PDZRN4: variants seen among roughly 807,000 people sequenced by gnomAD.
PDZRN4 encodes PDZ domain containing ring finger 4.
PDZRN4 carries 70 observed loss-of-function variants against 99.0 expected under a neutral mutation model. The observed-to-expected ratio is 0.71, with a 90% confidence interval of 0.58 to 0.86. PDZRN4 has a LOEUF of 0.86. Ranked by LOEUF, PDZRN4 falls within the 40% of genes least tolerant of loss-of-function variation. The pLI, the probability that PDZRN4 is intolerant of heterozygous loss-of-function variation, is 0.00. For missense variants in PDZRN4, 1,474 were observed against 1,331.2 expected (o/e 1.11, Z -1.67); for synonymous variants, 551 against 501.6 (o/e 1.10, Z -1.32).
chr12:41,290,740 C>T (rs955194644), intron 3 of PDZRN4, among the ~76,000 whole-genome samples: 8 of 151,984 alleles, frequency 5.3e-5, no homozygotes, highest in Non-Finnish European at 8.8e-5. Flanking sequence ...AGGTATTCAA[C>T]AATCTTTTGG....
intron 3 of PDZRN4, among the ~76,000 whole-genome samples, chr12:41,265,388 T>C (rs1354398981): frequency 6.6e-6 from 1 of 152,204 alleles, no homozygotes; most frequent in African/African-American, 2.4e-5. Flanking sequence ...TAAAGTTTTA[T>C]TTAATTCAAA....
intron 3 of PDZRN4, among the ~76,000 whole-genome samples, chr12:41,316,098 C>A (rs1234072775): frequency 1.3e-5 from 2 of 152,102 alleles, no homozygotes; most frequent in East Asian, 1.9e-4. Flanking sequence ...ACAGGTAGAA[C>A]TGTAACCCAT....
chr12:41,366,160 T>C (rs1352190437), intron 3 of PDZRN4, among the ~76,000 whole-genome samples: 1 of 152,154 alleles, frequency 6.6e-6, no homozygotes, highest in Non-Finnish European at 1.5e-5. Context: ...TTATGGTGCA[T>C]GATACCATCT....
At chr12:41,241,805 A>G (rs1951103571) in intron 3 of PDZRN4, among the ~76,000 whole-genome samples, 1 of 152,046 alleles carries the variant, frequency 6.6e-6, no homozygotes, top group Non-Finnish European at 1.5e-5. Context: ...ACCAGCCTAG[A>G]TTGTTTATAG....
intron 3 of PDZRN4, among the ~76,000 whole-genome samples, chr12:41,278,912 G>A (rs1951366473): frequency 6.6e-6 from 1 of 152,164 alleles, no homozygotes; most frequent in African/African-American, 2.4e-5. Flanking sequence ...AGGATGCATG[G>A]ATAAAGGCCC....
At chr12:41,566,475 A>G (rs908376678) in intron 8 of PDZRN4, among the ~76,000 whole-genome samples, 2 of 152,206 alleles carry the variant, frequency 1.3e-5, no homozygotes, top group Non-Finnish European at 2.9e-5. Flanking sequence ...TTCATAGCTC[A>G]TCTGCATATC....
intron 3 of PDZRN4, among the ~76,000 whole-genome samples, chr12:41,215,031 A>G (rs559874079): frequency 6.6e-6 from 1 of 152,092 alleles, no homozygotes; most frequent in Non-Finnish European, 1.5e-5. Flanking sequence ...TGAGAGATGT[A>G]TATGTTTTTC....
rs1274437123 is a variant in PDZRN4 at position 41,244,686 on chromosome 12, TTTTC to T, written c.843+50502_843+50505del. Among the ~76,000 whole-genome samples, 42 of 35,564 alleles carry T rather than the reference TTTTC, an allele frequency of 1.2e-3. 3 individuals are homozygous for T. Among genetic ancestry groups the T allele is most frequent in the Admixed American group, 5.5e-3 (22 of 3,986 alleles). 23.3% of individuals were successfully genotyped at this position (35,564 alleles called of 152,430 possible). A position where few individuals can be genotyped will look rare whatever the true frequency, so the allele number is the denominator to read the frequency against. ...CAATGTCTTTTTTTTTTTTTTTTTT[TTTTC>T]TTTTTGAGACGGAGTCTCGCTCTGT... On this transcript the variant is annotated intron_variant, in intron 3 of 9. Transcript: ENST00000402685.
chr12:41,297,116 C>T (rs78312985), intron 3 of PDZRN4, among the ~76,000 whole-genome samples: 2,195 of 152,230 alleles, frequency 0.014, 22 homozygotes, highest in Middle Eastern at 0.034. Flanking sequence ...GTGTCCCGAA[C>T]TTGATGGAGT....
intron 5 of PDZRN4, among the ~76,000 whole-genome samples, chr12:41,515,211 A>G (rs1371650165): frequency 1.3e-5 from 2 of 152,084 alleles, no homozygotes; most frequent in East Asian, 3.9e-4. Context: ...GATGGGTATG[A>G]AACATAATTG....
intron 3 of PDZRN4, among the ~76,000 whole-genome samples, chr12:41,321,753 G>A (rs74550821): frequency 0.066 from 10,032 of 152,156 alleles, 667 homozygotes; most frequent in African/African-American, 0.17. Context: ...ATAATAAGAC[G>A]ATGATCGCCT....
At chr12:41,560,751 G>A (rs1185579444) in intron 7 of PDZRN4, among the ~76,000 whole-genome samples, 1 of 152,144 alleles carries the variant, frequency 6.6e-6, no homozygotes, top group Non-Finnish European at 1.5e-5. Flanking sequence ...AGCAACCGAA[G>A]GTTGAAAGCT....
intron 9 of PDZRN4, 93 bp from the exon 10 acceptor site, chr12:41,572,271 G>T (rs772601664): frequency 1.9e-6 from 2 of 1,064,894 alleles, no homozygotes; most frequent in Non-Finnish European, 2.7e-6. Context: ...ATGCAACTTT[G>T]CCAGGAAACA....
At chr12:41,531,970 T>C (rs1001368822) in intron 5 of PDZRN4, among the ~76,000 whole-genome samples, 7 of 152,176 alleles carry the variant, frequency 4.6e-5, no homozygotes, top group South Asian at 4.1e-4. Context: ...TTTTTTATGG[T>C]TCATGATTCT....
intron 3 of PDZRN4, among the ~76,000 whole-genome samples, chr12:41,480,790 A>C (rs1937660615): frequency 6.6e-6 from 1 of 152,154 alleles, no homozygotes; most frequent in Admixed American, 6.6e-5. Flanking sequence ...TATTCAACTC[A>C]AATGTGAGTC....
chr12:41,563,304 C>T (rs1939305161), intron 7 of PDZRN4, among the ~76,000 whole-genome samples: 1 of 152,096 alleles, frequency 6.6e-6, no homozygotes, highest in South Asian at 2.1e-4. Flanking sequence ...GTTGCCAGGG[C>T]GCAGGTTGGA....
At chr12:41,453,789 C>A (rs537207246) in intron 3 of PDZRN4, among the ~76,000 whole-genome samples, 28 of 151,998 alleles carry the variant, frequency 1.8e-4, no homozygotes, top group African/African-American at 6.3e-4. Context: ...AATGAAAATT[C>A]TCCAGTACCA....
intron 5 of PDZRN4, 46 bp from the exon 6 acceptor site, chr12:41,552,610 A>AT: frequency 6.9e-7 from 1 of 1,457,910 alleles, no homozygotes; most frequent in Non-Finnish European, 9.6e-7. Flanking sequence ...TCTGTTGCAG[A>AT]TTTTCTCTCT....
rs1482756440 is a variant in PDZRN4 at position 41,351,354 on chromosome 12, G to A, written c.844-155102G>A. 2.0e-5 allele frequency among the ~76,000 whole-genome samples: 3 copies of A among 152,090 alleles called. No homozygotes were observed. The East Asian group carries it at 5.8e-4, about 29-fold the overall frequency. ...GTAAAGAGTTTGAAAGTCAGTGGGG[G>A]ATTCAGACATATAAATAGATGAAAA... On this transcript the variant is annotated intron_variant, in intron 3 of 9. Transcript: ENST00000402685.
Sources: allele counts gnomAD v4.1 joint callset (sites outside exome capture counted in the v4.1 genomes callset), GRCh38; gene constraint gnomAD v4.1.1; transcripts MANE v1.5; gene names NCBI Gene and HGNC (gene_info 2026-07-23, HGNC 2026-07-21).